Variants in GPR19 observed in about 807,000 individuals in gnomAD.
GPR19 encodes the protein probable G protein-coupled receptor 19.
Under a neutral mutation model 28.5 loss-of-function variants are expected in GPR19, and 14 were observed. That is an observed-to-expected ratio of 0.49 (90% CI 0.32 to 0.77). The LOEUF is 0.77. Among genes scored for constraint, GPR19 ranks in the 30% least tolerant of loss-of-function variants. GPR19 has a pLI of 0.03. For synonymous variants in GPR19, 173 were observed against 184.1 expected (o/e 0.94, Z 0.49); for missense variants, 409 against 504.1 (o/e 0.81, Z 1.81).
intron 3 of GPR19, among the ~76,000 whole-genome samples, chr12:12,664,531 AG>A (rs1945731198): frequency 6.6e-6 from 1 of 152,164 alleles, no homozygotes; most frequent in Non-Finnish European, 1.5e-5. Flanking sequence ...CCACACAGAA[AG>A]CAAAAATAAT....
intron 2 of GPR19, among the ~76,000 whole-genome samples, chr12:12,692,841 C>G (rs1027013943): frequency 1.3e-5 from 2 of 152,118 alleles, no homozygotes; most frequent in African/African-American, 4.8e-5. Context: ...CTGGCTCACT[C>G]TAACCCATAA....
the GPR19 span, chr12:12,716,738 T>G: frequency 2.0e-6 from 2 of 985,298 alleles, no homozygotes; most frequent in Non-Finnish European, 2.4e-6. Context: ...GCTTCTTCCC[T>G]AGGCCCCCAG....
chr12:12,705,207 C>T, the GPR19 span, among the ~76,000 whole-genome samples: 1 of 147,910 alleles, frequency 6.8e-6, no homozygotes, highest in Non-Finnish European at 1.5e-5. Flanking sequence ...ATCCCAGCTA[C>T]TCGGGAGGTT....
At chr12:12,703,729 G>C in the GPR19 span, among the ~76,000 whole-genome samples, 1 of 152,182 alleles carries the variant, frequency 6.6e-6, no homozygotes, top group South Asian at 2.1e-4. Flanking sequence ...GCCCAAGCCA[G>C]TGGCTTGGAG....
At chr12:12,691,447 C>T (rs916700956) in intron 2 of GPR19, among the ~76,000 whole-genome samples, 2 of 152,168 alleles carry the variant, frequency 1.3e-5, no homozygotes, top group African/African-American at 2.4e-5. Flanking sequence ...GACAGTTTCT[C>T]TGCCTTGTCC....
the GPR19 span, among the ~76,000 whole-genome samples, chr12:12,713,048 T>C: frequency 6.7e-6 from 1 of 148,752 alleles, no homozygotes; most frequent in Non-Finnish European, 1.5e-5. Context: ...TCCTATCTGA[T>C]CTGATGCGCT....
At chr12:12,712,209 T>C in the GPR19 span, among the ~76,000 whole-genome samples, 1 of 152,246 alleles carries the variant, frequency 6.6e-6, no homozygotes, top group African/African-American at 2.4e-5. Flanking sequence ...CAGGGTTCTC[T>C]GTCTCACACT....
the GPR19 span, among the ~76,000 whole-genome samples, chr12:12,708,899 T>C: frequency 6.6e-6 from 1 of 152,054 alleles, no homozygotes; most frequent in African/African-American, 2.4e-5. Flanking sequence ...ATACAAAAAT[T>C]AGCTGGGCGT....
At chr12:12,713,280 G>C in the GPR19 span, among the ~76,000 whole-genome samples, 13 of 152,066 alleles carry the variant, frequency 8.5e-5, no homozygotes, top group South Asian at 2.7e-3. Flanking sequence ...GGCCAGGCTG[G>C]TCTTGAACTC....
At chr12:12,665,909 T>C (rs970191286) in intron 3 of GPR19, among the ~76,000 whole-genome samples, 8 of 151,262 alleles carry the variant, frequency 5.3e-5, no homozygotes, top group African/African-American at 1.9e-4. Context: ...TAATTATAAT[T>C]CACTGCTAAG....
At chr12:12,663,886 A>G (rs528454372) in intron 3 of GPR19, among the ~76,000 whole-genome samples, 1 of 152,334 alleles carries the variant, frequency 6.6e-6, no homozygotes, top group African/African-American at 2.4e-5. Context: ...AGTAGTCACT[A>G]GTTTCTTTCC....
chr12:12,703,974 T>C, the GPR19 span, among the ~76,000 whole-genome samples: 4 of 152,220 alleles, frequency 2.6e-5, no homozygotes, highest in African/African-American at 9.6e-5. Context: ...AATAGATTTA[T>C]ATCTGAAGTC....
chr12:12,703,260 A>G, the GPR19 span: 3 of 368,182 alleles, frequency 8.1e-6, no homozygotes, highest in Non-Finnish European at 1.1e-5. Flanking sequence ...GAAAGGATCT[A>G]TTACCTAATT....
rs748483657 is a variant in GPR19, at chr12:12,661,246, C to G, written c.1203G>C (p.Lys401Asn). The G allele has an allele frequency of 6.2e-7, 1 of 1,612,392 alleles. No individual in the cohort carries two copies. ...GATTTGAGTTAATGGGCCAAGCAAG[C>G]TTTTTTTCCTTGGCTTCTCTGTCAA... ...DSFDREAKEK[K>N]LAWPINSNPP... Residue 401 changes from lysine to asparagine, a missense_variant, in exon 4 of 4, where the codon AAG becomes AAC. By Grantham distance (94) the Lys-to-Asn change is moderately conservative. Transcript: ENST00000651487. The surrounding 1 kb of genome is among the most constrained non-coding windows in gnomAD (Gnocchi z 4.2).
At chr12:12,714,218 A>G in the GPR19 span, among the ~76,000 whole-genome samples, 1 of 152,210 alleles carries the variant, frequency 6.6e-6, no homozygotes, top group Non-Finnish European at 1.5e-5. Flanking sequence ...AAGTCTAAAA[A>G]TATGTGAGCT....
chr12:12,692,762 T>C (rs1000020213), intron 2 of GPR19, among the ~76,000 whole-genome samples: 6 of 152,060 alleles, frequency 3.9e-5, no homozygotes, highest in African/African-American at 1.4e-4. Context: ...TGAGCAAAAG[T>C]ACTACTGGCC....
At chr12:12,706,107 C>T in the GPR19 span, among the ~76,000 whole-genome samples, 1 of 152,202 alleles carries the variant, frequency 6.6e-6, no homozygotes, top group African/African-American at 2.4e-5. Flanking sequence ...GCATGCATAA[C>T]ATGACTTTCT....
intron 3 of GPR19, among the ~76,000 whole-genome samples, chr12:12,674,555 A>C (rs1327524312): frequency 6.6e-6 from 1 of 152,208 alleles, no homozygotes; most frequent in East Asian, 1.9e-4. Context: ...TAGTTTTGAG[A>C]GCCTGAGAGC....
At chr12:12,687,280 G>A (rs1461404641) in intron 2 of GPR19, among the ~76,000 whole-genome samples, 1 of 152,190 alleles carries the variant, frequency 6.6e-6, no homozygotes, top group Non-Finnish European at 1.5e-5. Flanking sequence ...CCAGGCTATT[G>A]TTTTGAAAGC....
Sources: gnomAD v4.1 joint callset for allele counts (sites outside exome capture counted in the v4.1 genomes callset) on GRCh38, gnomAD v4.1.1 for gene constraint, Gnocchi (gnomAD v3.1) non-coding constraint, MANE v1.5 for transcripts, NCBI Gene and HGNC (gene_info 2026-07-23, HGNC 2026-07-21) for gene names.